Variants in APH1B observed in about 807,000 individuals in gnomAD.
APH1B encodes the protein aph-1B gamma-secretase subunit.
Under a neutral mutation model 28.2 loss-of-function variants are expected in APH1B, and 27 were observed. That is an observed-to-expected ratio of 0.96 (90% CI 0.70 to 1.32). APH1B has a LOEUF of 1.32. APH1B is among the 40% of genes most tolerant of loss of function. The probability of loss-of-function intolerance (pLI) is 0.00; values close to 1 mark genes in which losing one functional copy is unlikely to be tolerated. For missense variants in APH1B, 305 were observed against 313.6 expected (o/e 0.97, Z 0.21); for synonymous variants, 141 against 124.6 (o/e 1.13, Z -0.88).
At position 63,281,974 on chromosome 15, in the gene APH1B, G is replaced by A. The variant is rs184860382; in HGVS notation, c.284+2643G>A. On this transcript the variant is annotated intron_variant, in intron 2 of 5. Coordinates refer to ENST00000261879, the MANE Select transcript of APH1B (RefSeq NM_031301.4). ...TTTCTGAAAGGACCTTTGGAAATTT[G>A]CAAATGGTAGGACAGACTTGTACTA... 2.1e-4 allele frequency among the ~76,000 whole-genome samples: 32 copies of A among 152,208 alleles called. No homozygotes were observed. The East Asian group carries it at 5.8e-3, about 28-fold the overall frequency.
intron 3 of APH1B, 136 bp from the exon 4 acceptor site, chr15:63,287,288 G>A: frequency 8.2e-7 from 1 of 1,226,012 alleles, no homozygotes; most frequent in East Asian, 2.5e-5. Context: ...TGCCTCTCCA[G>A]AGCCAGCTGT....
chr15:63,302,645 A>G (rs1042410755), intron 5 of APH1B, among the ~76,000 whole-genome samples, 173 bp downstream of exon 5: 2 of 152,354 alleles, frequency 1.3e-5, no homozygotes, highest in South Asian at 4.1e-4. Flanking sequence ...GACCACCACT[A>G]TTAATTTTTT....
chr15:63,303,029 C>T (rs2038649290), intron 5 of APH1B, among the ~76,000 whole-genome samples: 1 of 152,044 alleles, frequency 6.6e-6, no homozygotes, highest in South Asian at 2.1e-4. Context: ...AAGGAAAGAA[C>T]CTAGGAAGTT....
At position 63,307,700 on chromosome 15, in the gene APH1B, T is replaced by C. The variant is rs2038700820; in HGVS notation, c.*1919T>C. 2.6e-5 allele frequency: 4 copies of C among 152,238 alleles called. No individual in the cohort carries two copies. Among genetic ancestry groups the C allele is most frequent in the Admixed American group, 2.6e-4 (4 of 15,286 alleles). 9.4% of individuals were successfully genotyped at this position (152,238 alleles called of 1,614,324 possible). On this transcript the variant is annotated 3_prime_UTR_variant, in exon 6 of 6. Transcript: ENST00000261879. The stretch of plus-strand genomic sequence containing the variant: ...GACTTAAAACTGTGTTAAATGGATA[T>C]TCTGATAAAATATTTGCTGCTCTGT...
chr15:63,305,518 C>A, intron 5 of APH1B, 96 bp from the exon 6 acceptor site: 3 of 1,432,610 alleles, frequency 2.1e-6, no homozygotes, highest in Non-Finnish European at 2.9e-6. Flanking sequence ...CACCCAAGTT[C>A]TTGAAAGTAT....
At chr15:63,301,728 T>C (rs1387848245) in intron 4 of APH1B, among the ~76,000 whole-genome samples, 2 of 151,438 alleles carry the variant, frequency 1.3e-5, no homozygotes, top group African/African-American at 4.9e-5. Context: ...ATTACAGGCA[T>C]GTGCCTCCCG....
intron 4 of APH1B, among the ~76,000 whole-genome samples, chr15:63,299,695 C>T (rs558752346): frequency 1.8e-4 from 27 of 152,154 alleles, no homozygotes; most frequent in Non-Finnish European, 2.8e-4. Context: ...TGAGCCATCG[C>T]GCCCAGCCCC....
chr15:63,298,700 G>C (rs1380511110), intron 4 of APH1B, among the ~76,000 whole-genome samples: 1 of 152,106 alleles, frequency 6.6e-6, no homozygotes, highest in Non-Finnish European at 1.5e-5. Context: ...GCCAAGCACT[G>C]TTTTTCCTTG....
intron 4 of APH1B, among the ~76,000 whole-genome samples, chr15:63,296,338 G>A (rs556716904): frequency 2.1e-4 from 32 of 152,314 alleles, no homozygotes; most frequent in Admixed American, 5.2e-4. Flanking sequence ...GGGCAGCTGC[G>A]GCTGAGCTTT....
At chr15:63,302,200 G>A (rs1049284161) in intron 4 of APH1B, 145 bp from the exon 5 acceptor site, 4 of 904,442 alleles carry the variant, frequency 4.4e-6, no homozygotes, top group Non-Finnish European at 6.4e-6. Flanking sequence ...TGCTTTTTGA[G>A]TGTGTCAAGG....
intron 1 of APH1B, chr15:63,278,017 A>G (rs2038344039): frequency 4.1e-6 from 2 of 491,748 alleles, no homozygotes; most frequent in Non-Finnish European, 7.4e-6. Flanking sequence ...GGATAAGTTC[A>G]TATATGCATC....
rs2038358751 is a variant in APH1B, at chr15:63,279,197, C to A, written c.150C>A (p.Ser50=). ...FFWLVSLLIS[S]LVWFMARVII... is the part of the protein sequence containing the mutation. Reference sequence around the variant, plus strand: ...GGTTGGTGTCTCTACTGATTTCGTCCCTTGTTTGGTTCATGGCAAGAGTCA... The same window carrying A: ...GGTTGGTGTCTCTACTGATTTCGTCACTTGTTTGGTTCATGGCAAGAGTCA... The change falls in exon 2 of 6, where the codon TCC becomes TCA. Residue 50 remains serine, a synonymous_variant. Transcript: ENST00000261879. 3 of 1,609,878 alleles carry A rather than the reference C, an allele frequency of 1.9e-6. No homozygotes were observed. Among genetic ancestry groups the A allele is most frequent in the Non-Finnish European group, 2.5e-6 (3 of 1,177,306 alleles).
chr15:63,289,124 C>T (rs2038477331), intron 4 of APH1B, among the ~76,000 whole-genome samples: 1 of 152,146 alleles, frequency 6.6e-6, no homozygotes, highest in Admixed American at 6.5e-5. Context: ...ATTCAGTAAG[C>T]TATCTTAATG....
intron 2 of APH1B, 77 bp from the exon 3 acceptor site, chr15:63,286,481 T>G: frequency 8.2e-7 from 1 of 1,225,770 alleles, no homozygotes; most frequent in Non-Finnish European, 1.1e-6. Context: ...TGAAGTGTCT[T>G]GTTGGACTTT....
At chr15:63,292,282 T>C (rs768500890) in intron 4 of APH1B, among the ~76,000 whole-genome samples, 4 of 152,242 alleles carry the variant, frequency 2.6e-5, no homozygotes, top group African/African-American at 4.8e-5. Context: ...AGAATCTTAA[T>C]TTCTTGTAAT....
At position 63,286,635 on chromosome 15, in the gene APH1B, T is replaced by C. The variant is rs1320731692; in HGVS notation, c.355+7T>C. Reference sequence around the variant, plus strand: ...ATGCGACTGCTGGCCTATGGTAAGTTAGAACCACATGGTTTCATTAAGGAA... The same window carrying C: ...ATGCGACTGCTGGCCTATGGTAAGTCAGAACCACATGGTTTCATTAAGGAA... On this transcript the variant is annotated splice_region_variant and intron_variant, in intron 3 of 5. Transcript: ENST00000261879. 5 of 1,600,592 alleles carry C rather than the reference T, an allele frequency of 3.1e-6. No individual in the cohort carries two copies. Among genetic ancestry groups the C allele is most frequent in the Non-Finnish European group, 3.4e-6 (4 of 1,175,184 alleles).
chr15:63,286,304 G>A (rs1420100012), intron 2 of APH1B, among the ~76,000 whole-genome samples: 1 of 152,146 alleles, frequency 6.6e-6, no homozygotes, highest in East Asian at 1.9e-4. Flanking sequence ...AATTCCTGAC[G>A]GCTTGTTTAC....
intron 4 of APH1B, among the ~76,000 whole-genome samples, chr15:63,299,696 G>A (rs1031301700): frequency 7.9e-5 from 12 of 152,100 alleles, no homozygotes; most frequent in African/African-American, 2.4e-4. Flanking sequence ...GAGCCATCGC[G>A]CCCAGCCCCT....
intron 4 of APH1B, among the ~76,000 whole-genome samples, chr15:63,296,200 T>C (rs1055731334): frequency 6.6e-6 from 1 of 151,958 alleles, no homozygotes. Flanking sequence ...CTCTCAAGAG[T>C]CTGGAGAGTT....
Sources: gnomAD v4.1 joint callset for allele counts (sites outside exome capture counted in the v4.1 genomes callset) on GRCh38, gnomAD v4.1.1 for gene constraint, MANE v1.5 for transcripts, NCBI Gene and HGNC (gene_info 2026-07-23, HGNC 2026-07-21) for gene names.